Variants in ADRA2B observed in about 807,000 individuals in gnomAD.
The protein encoded by ADRA2B is adrenoceptor alpha 2B.
A neutral mutation model predicts 14.4 loss-of-function variants in ADRA2B; 14 were observed. The observed-to-expected ratio is 0.97, with a 90% CI of 0.64 to 1.52. The LOEUF (loss-of-function observed/expected upper bound fraction) is 1.52. Among genes scored for constraint, ADRA2B ranks in the 40% most tolerant of loss-of-function variants. The pLI is 0.00. For missense variants in ADRA2B, 606 were observed against 603.2 expected (o/e 1.00, Z -0.05); for synonymous variants, 250 against 263.7 (o/e 0.95, Z 0.50).
rs554991744 is a variant in ADRA2B, at chr2:96,112,947, G to A, written c.*1850C>T. The A allele has an allele frequency of 3.3e-5, 13 of 389,904 alleles. No individual in the cohort carries two copies. Among genetic ancestry groups the A allele is most frequent in the South Asian group, 1.4e-4 (1 of 6,982 alleles). The allele number at this position is 389,904 out of a possible 1,614,324, so 24.2% of individuals were successfully genotyped here. ...AAAAAAAAAACACCACCTGCATGTC[G>A]CAATAAGAGGTCACAGGCAAGAACA... On this transcript the variant is annotated 3_prime_UTR_variant, in exon 1 of 1. Transcript: ENST00000620793.
rs577064249 is a variant in ADRA2B at position 96,114,838 on chromosome 2, G to A, written c.1312C>T (p.Arg438Trp). ...GTCCACGGGCGGCACAGGATCCTCC[G>A]GAAGGCACGGCGGAAGTCCTGGTTG... ...IFNQDFRRAFRRILCRPWTQT... is the reference protein window; with the variant it reads ...IFNQDFRRAFWRILCRPWTQT... The change falls in exon 1 of 1, where the codon CGG becomes TGG. Residue 438 changes from arginine to tryptophan, a missense_variant. Arg to Trp is a moderately radical substitution (Grantham distance 101). Coordinates refer to ENST00000620793, the MANE Select transcript of ADRA2B (RefSeq NM_000682.7). 3.0e-5 allele frequency: 48 copies of A among 1,613,876 alleles called. No homozygotes were observed. The East Asian group carries it at 5.1e-4, about 17-fold the overall frequency.
rs1681866590 is a variant in ADRA2B, at chr2:96,116,007, T to G, written c.143A>C (p.Asn48Thr). 5 of 1,613,398 alleles carry G rather than the reference T, an allele frequency of 3.1e-6. No individual in the cohort carries two copies. The highest frequency in any genetic ancestry group is 4.2e-6 in the Non-Finnish European group (5 of 1,179,760). Residue 48 changes from asparagine to threonine, a missense_variant, in exon 1 of 1, where the codon AAC becomes ACC. By Grantham distance (65) the Asn-to-Thr change is moderately conservative (BLOSUM62 0). Coordinates refer to ENST00000620793, the MANE Select transcript of ADRA2B (RefSeq NM_000682.7). ...LTSRSLRAPQ[N>T]LFLVSLAAAD... ...GGCGGCCAGCGACACCAGGAACAGG[T>G]TCTGAGGGGCGCGCAGCGAGCGGCT...
rs371368208 is a variant in ADRA2B at position 96,114,750 on chromosome 2, G to A, written c.*47C>T. On this transcript the variant is annotated 3_prime_UTR_variant, in exon 1 of 1. Transcript: ENST00000620793. ...CACACAGCAGGGCAAGAAGCAGGGT[G>A]ACCCCGGCGCCACCGCACCAACCCC... 2.6e-6 allele frequency: 4 copies of A among 1,558,224 alleles called. No homozygotes were observed. In the African/African-American group the frequency reaches 4.1e-5, roughly 16 times the overall value.
At position 96,113,065 on chromosome 2, in the gene ADRA2B, A is replaced by G. The variant is rs1681786859; in HGVS notation, c.*1732T>C. 2 of 398,268 alleles carry G rather than the reference A, an allele frequency of 5.0e-6. No individual in the cohort carries two copies. The highest frequency in any genetic ancestry group is 8.8e-5 in the Admixed American group (2 of 22,696). 24.7% of individuals were successfully genotyped at this position (398,268 alleles called of 1,614,324 possible). ...CAGCTCCCCACCACATCCCAGGGCG[A>G]TACTCTGGCCTCAACAACCCACTGA... On this transcript the variant is annotated 3_prime_UTR_variant, in exon 1 of 1. Transcript: ENST00000620793.
In ADRA2B at chr2:96,113,774, A is replaced by G; in HGVS notation, c.*1023T>C. Reference sequence around the variant, plus strand: ...TTTGCAGCCAGAAGAACACATTCTCAAAGAGATCCTTTAACTTGAAATAGT... The same window carrying G: ...TTTGCAGCCAGAAGAACACATTCTCGAAGAGATCCTTTAACTTGAAATAGT... On this transcript the variant is annotated 3_prime_UTR_variant, in exon 1 of 1. Transcript: ENST00000620793. 1 of 462,236 alleles carries G rather than the reference A, an allele frequency of 2.2e-6. No homozygotes were observed. The allele number at this position is 462,236 out of a possible 1,614,324, so 28.6% of individuals were successfully genotyped here. A position where few individuals can be genotyped will look rare whatever the true frequency, so the allele number is the denominator to read the frequency against.
In ADRA2B at chr2:96,115,580, A is replaced by G. The variant is rs187890656; in HGVS notation, c.570T>C (p.Leu190=). 6.8e-6 allele frequency: 11 copies of G among 1,613,902 alleles called. No homozygotes were observed. The highest frequency in any genetic ancestry group is 5.3e-5 in the African/African-American group (4 of 75,064). The part of the protein sequence containing the change: ...SFFAPCLIMI[L]VYLRIYLIAK... Reference sequence around the variant, plus strand: ...CGATCAGGTAGATGCGCAGGTAGACAAGGATCATGATGAGGCAAGGAGCAA... The same window carrying G: ...CGATCAGGTAGATGCGCAGGTAGACGAGGATCATGATGAGGCAAGGAGCAA... The change falls in exon 1 of 1, where the codon CTT becomes CTC. Residue 190 remains leucine, a synonymous_variant. Transcript: ENST00000620793.
In ADRA2B at chr2:96,112,883, A is replaced by G. The variant is rs1681782841; in HGVS notation, c.*1914T>C. 2.8e-6 allele frequency: 1 copy of G among 357,612 alleles called. No homozygotes were observed. Among genetic ancestry groups the G allele is most frequent in the East Asian group, 4.1e-5 (1 of 24,542 alleles). 22.2% of individuals were successfully genotyped at this position (357,612 alleles called of 1,614,324 possible). ...AACAAGGACACCACTTACTTATTAC[A>G]AAATATCCTTTATTGATAAAATAGC... On this transcript the variant is annotated 3_prime_UTR_variant, in exon 1 of 1. Coordinates refer to ENST00000620793, the MANE Select transcript of ADRA2B (RefSeq NM_000682.7).
chr2:96,114,391 A>T lies in ADRA2B; in HGVS notation c.*406T>A. 1.0e-6 allele frequency: 1 copy of T among 1,002,740 alleles called. No individual in the cohort carries two copies. Among genetic ancestry groups the T allele is most frequent in the Non-Finnish European group, 1.2e-6 (1 of 839,998 alleles). The allele number at this position is 1,002,740 out of a possible 1,614,324, so 62.1% of individuals were successfully genotyped here. A position where few individuals can be genotyped will look rare whatever the true frequency, so the allele number is the denominator to read the frequency against. On this transcript the variant is annotated 3_prime_UTR_variant, in exon 1 of 1. Coordinates refer to ENST00000620793, the MANE Select transcript of ADRA2B (RefSeq NM_000682.7). The stretch of plus-strand genomic sequence containing the variant: ...CTCTTTGTGGGTGGGGGGGAGATGA[A>T]AAAGAAACGAAAACACCACAAGCAA...
Position 96,115,850 on chromosome 2 carries a change from G to T in ADRA2B, c.300C>A (p.Ile100=). ...ALDVLFCTSS[I]VHLCAISLDR... The stretch of plus-strand genomic sequence containing the variant: ...CCAGGCTGATGGCGCACAGGTGCAC[G>T]ATGGACGAGGTGCAGAAGAGCACGT... Residue 100 remains isoleucine (I), a synonymous_variant, in exon 1 of 1, where the codon ATC becomes ATA. Transcript: ENST00000620793. 3 of 1,613,372 alleles carry T rather than the reference G, an allele frequency of 1.9e-6. No homozygotes were observed. The Middle Eastern group carries it at 4.9e-4, about 266-fold the overall frequency.
Position 96,115,949 on chromosome 2 carries a change from AG to A in ADRA2B, c.200del (p.Pro67LeufsTer48). The A allele has an allele frequency of 6.2e-7, 1 of 1,613,876 alleles. No individual in the cohort carries two copies. The highest frequency in any genetic ancestry group is 8.5e-7 in the Non-Finnish European group (1 of 1,179,936). Reference protein sequence around the residue: ...ADILVATLIIPFSLANELLGY... With the variant: ...ADILVATLIIXFSLANELLGY... ...CCAGCAGCTCGTTGGCCAGCGAGAA[AG>A]GGATGATGAGCGTGGCCACCAGGAT... On this transcript the variant is annotated frameshift_variant, in exon 1 of 1. Transcript: ENST00000620793. LOFTEE classifies it low-confidence loss of function (END_TRUNC).
In ADRA2B at chr2:96,114,086, CA is replaced by C; in HGVS notation, c.*710del. 1 of 985,798 alleles carries C rather than the reference CA, an allele frequency of 1.0e-6. No individual in the cohort carries two copies. Among genetic ancestry groups the C allele is most frequent in the Non-Finnish European group, 1.2e-6 (1 of 829,944 alleles). 61.1% of individuals were successfully genotyped at this position (985,798 alleles called of 1,614,324 possible). The stretch of plus-strand genomic sequence containing the variant: ...GGGGATCTCCCGTCGAGGCAGAGAC[CA>C]GGCCTCCAAGACCGCCCCAGCGAGG... On this transcript the variant is annotated 3_prime_UTR_variant, in exon 1 of 1. Coordinates refer to ENST00000620793, the MANE Select transcript of ADRA2B (RefSeq NM_000682.7).
In ADRA2B at chr2:96,116,368, C is replaced by T. The variant is rs1681873648; in HGVS notation, c.-219G>A. ...CTCCACCGGTGCCCGGGGTCCCTGC[C>T]GTCCGCCCCAGAGAAGTTTCCCAAG... On this transcript the variant is annotated 5_prime_UTR_variant, in exon 1 of 1. Transcript: ENST00000620793. 4 of 566,230 alleles carry T rather than the reference C, an allele frequency of 7.1e-6. No homozygotes were observed. The Admixed American group carries it at 1.2e-4, about 17-fold the overall frequency. 35.1% of individuals were successfully genotyped at this position (566,230 alleles called of 1,614,324 possible).
At position 96,116,257 on chromosome 2, in the gene ADRA2B, G is replaced by C; in HGVS notation, c.-108C>G. The C allele has an allele frequency of 1.0e-6, 1 of 969,748 alleles. No individual in the cohort carries two copies. Among genetic ancestry groups the C allele is most frequent in the Non-Finnish European group, 1.6e-6 (1 of 633,542 alleles). 60.1% of individuals were successfully genotyped at this position (969,748 alleles called of 1,614,324 possible). A position where few individuals can be genotyped will look rare whatever the true frequency, so the allele number is the denominator to read the frequency against. On this transcript the variant is annotated 5_prime_UTR_variant, in exon 1 of 1. Transcript: ENST00000620793. ...AGAGCGTCGCCCCTCGGGCGGCGCC[G>C]AGGGCGCTGGAGCCCCATGGCCTGG...
Position 96,115,203 on chromosome 2 carries a change from G to A in ADRA2B, c.947C>T (p.Pro316Leu). The change falls in exon 1 of 1, where the codon CCA (proline) becomes CTA (leucine). Residue 316 changes from proline to leucine, a missense_variant. Pro to Leu is a moderately conservative substitution (Grantham distance 98). Coordinates refer to ENST00000620793, the MANE Select transcript of ADRA2B (RefSeq NM_000682.7). ...EEEECEPQAV[P>L]VSPASACSPP... ...GCTGCAAGCTGAGGCCGGAGACACT[G>A]GCACTGCCTGGGGTTCACACTCTTC... 1 of 1,563,400 alleles carries A rather than the reference G, an allele frequency of 6.4e-7. No homozygotes were observed. The highest frequency in any genetic ancestry group is 8.7e-7 in the Non-Finnish European group (1 of 1,154,160).
Position 96,114,172 on chromosome 2 carries a change from C to T in ADRA2B, c.*625G>A. ...TGGGTAAGGAAGCCGATCCATTGTTCTGGCTTTCAAAGGAACCACAGATCC... is the reference window on the plus strand; with the variant it reads ...TGGGTAAGGAAGCCGATCCATTGTTTTGGCTTTCAAAGGAACCACAGATCC... On this transcript the variant is annotated 3_prime_UTR_variant, in exon 1 of 1. Transcript: ENST00000620793. 1.0e-6 allele frequency: 1 copy of T among 985,782 alleles called. No homozygotes were observed. The highest frequency in any genetic ancestry group is 1.2e-6 in the Non-Finnish European group (1 of 830,086). The allele number at this position is 985,782 out of a possible 1,614,324, so 61.1% of individuals were successfully genotyped here.
Position 96,115,103 on chromosome 2 carries a change from C to T in ADRA2B, c.1047G>A (p.Val349=), listed in dbSNP as rs1037371029. ...LRGQVLLGRG[V]GAIGGQWWRR... Reference sequence around the variant, plus strand: ...GCCACCACTGCCCACCTATAGCACCCACGCCCCTGCCCAGGAGCACCTGGC... The same window carrying T: ...GCCACCACTGCCCACCTATAGCACCTACGCCCCTGCCCAGGAGCACCTGGC... The change falls in exon 1 of 1, where the codon GTG becomes GTA. Residue 349 remains valine, a synonymous_variant. Transcript: ENST00000620793. 1.2e-6 allele frequency: 2 copies of T among 1,611,780 alleles called. No homozygotes were observed. The highest frequency in any genetic ancestry group is 1.7e-6 in the Non-Finnish European group (2 of 1,179,128).
Position 96,114,958 on chromosome 2 carries a change from G to A in ADRA2B, c.1192C>T (p.Pro398Ser). The change falls in exon 1 of 1, where the codon CCG (proline) becomes TCG (serine). Residue 398 changes from proline (P) to serine (S), a missense_variant. Transcript: ENST00000620793. ...FFSYSLGAIC[P>S]KHCKVPHGLF... The stretch of plus-strand genomic sequence containing the variant: ...CCATGGGGCACCTTGCAGTGCTTCG[G>A]GCAGATGGCTCCCAGGCTGTAGCTG... The A allele has an allele frequency of 6.2e-7, 1 of 1,613,558 alleles. No homozygotes were observed. The highest frequency in any genetic ancestry group is 8.5e-7 in the Non-Finnish European group (1 of 1,179,666).
Position 96,116,215 on chromosome 2 carries a change from C to T in ADRA2B, c.-66G>A, listed in dbSNP as rs953750701. ...GTGCGCACCGTGGACGACAGCGCTG[C>T]CCGGCTCGGCTAGACAAGAGCGTCG... is the stretch of plus-strand genomic sequence containing the variant. On this transcript the variant is annotated 5_prime_UTR_variant, in exon 1 of 1. Transcript: ENST00000620793. 3.1e-5 allele frequency: 44 copies of T among 1,422,664 alleles called. No homozygotes were observed. Among genetic ancestry groups the T allele is most frequent in the Non-Finnish European group, 3.9e-5 (40 of 1,028,496 alleles). The allele number at this position is 1,422,664 out of a possible 1,614,324, so 88.1% of individuals were successfully genotyped here. A position where few individuals can be genotyped will look rare whatever the true frequency, so the allele number is the denominator to read the frequency against.
Position 96,114,127 on chromosome 2 carries a change from C to T in ADRA2B, c.*670G>A, listed in dbSNP as rs1487980372. ...CCCCAGCGAGGCATCCACGTGGCCA[C>T]CCACCTACCGGAGGGGTGCTGGGTA... On this transcript the variant is annotated 3_prime_UTR_variant, in exon 1 of 1. Coordinates refer to ENST00000620793, the MANE Select transcript of ADRA2B (RefSeq NM_000682.7). The T allele has an allele frequency of 2.0e-6, 2 of 985,642 alleles. No individual in the cohort carries two copies. The allele number at this position is 985,642 out of a possible 1,614,324, so 61.1% of individuals were successfully genotyped here.
Sources: gnomAD v4.1 joint callset for allele counts on GRCh38, gnomAD v4.1.1 for gene constraint, MANE v1.5 for transcripts, NCBI Gene and HGNC (gene_info 2026-07-23, HGNC 2026-07-21) for gene names.